Variants in CHRNG observed in about 807,000 individuals in gnomAD.
CHRNG encodes acetylcholine receptor subunit gamma.
Under a neutral mutation model 65.2 loss-of-function variants are expected in CHRNG, and 72 were observed. The observed-to-expected ratio is 1.10, with a 90% CI of 0.91 to 1.34. The LOEUF (loss-of-function observed/expected upper bound fraction) is 1.34, where lower values mean the gene tolerates loss of function less well. Among genes scored for constraint, CHRNG ranks in the 40% most tolerant of loss-of-function variants. CHRNG has a pLI of 0.00. For missense variants in CHRNG, 637 were observed against 680.1 expected, an observed-to-expected ratio of 0.94 and a Z score of 0.70; for synonymous variants, 284 against 290.2, an observed-to-expected ratio of 0.98 and a Z score of 0.22.
rs578137720 is a variant in CHRNG, at chr2:232,543,179, C to A, written c.806-96C>A. 4.6e-6 allele frequency: 7 copies of A among 1,526,176 alleles called. No homozygotes were observed. In the South Asian group the frequency reaches 5.6e-5, roughly 12 times the overall value. 94.5% of individuals were successfully genotyped at this position (1,526,176 alleles called of 1,614,324 possible). A position where few individuals can be genotyped will look rare whatever the true frequency, so the allele number is the denominator to read the frequency against. On this transcript the variant is annotated intron_variant, in intron 7 of 11. Coordinates refer to ENST00000651502, the MANE Select transcript of CHRNG (RefSeq NM_005199.5). ...CTGGGGAACAGAGTGGCATTACGAC[C>A]CAGGACAGAGGCAGCGGGCTACTTC...
chr2:232,544,670 C>T, intron 10 of CHRNG, 90 bp downstream of exon 10: 1 of 1,569,918 alleles, frequency 6.4e-7, no homozygotes, highest in Non-Finnish European at 8.8e-7. Flanking sequence ...GGAGAAGTGC[C>T]CAGGTCAGGG....
chr2:232,540,552 C>T lies in CHRNG; in HGVS notation c.241-50C>T. On this transcript the variant is annotated intron_variant, in intron 3 of 11. Coordinates refer to ENST00000651502, the MANE Select transcript of CHRNG (RefSeq NM_005199.5). The surrounding 1 kb of genome is among the most constrained non-coding windows in gnomAD (Gnocchi z 4.2). ...TTGGGCTGGATGCCCACTCCTAGGG[C>T]TGTGGTGCAGCAGAGGGCAGAGGCC... The T allele has an allele frequency of 6.2e-7, 1 of 1,601,700 alleles. No homozygotes were observed. Among genetic ancestry groups the T allele is most frequent in the Non-Finnish European group, 8.5e-7 (1 of 1,174,908 alleles).
chr2:232,542,002 C>CGG, intron 5 of CHRNG: 1 of 311,366 alleles, frequency 3.2e-6, no homozygotes, highest in South Asian at 3.5e-5. Flanking sequence ...GAGGAGGGCC[C>CGG]GGGGGAGGGT....
chr2:232,540,618 G>A lies in CHRNG; in HGVS notation c.257G>A (p.Arg86His), dbSNP rs550521607. ...CCCCTGCAGCAGTGGTGCGACTATC[G>A]CCTGCGCTGGGATCCGCGAGACTAC... ...VWIEMQWCDY[R>H]LRWDPRDYEG... The change falls in exon 4 of 12, where the codon CGC (arginine) becomes CAC (histidine). Residue 86 changes from arginine (R) to histidine (H), a missense_variant. By Grantham distance (29) the Arg-to-His change is conservative. Transcript: ENST00000651502. This position sits in a 1 kb window ranked among gnomAD's most constrained non-coding sequence, Gnocchi z 4.2. 35 of 1,612,246 alleles carry A rather than the reference G, an allele frequency of 2.2e-5. No homozygotes were observed. The highest frequency in any genetic ancestry group is 6.7e-5 in the Admixed American group (4 of 59,990).
chr2:232,544,592 C>A lies in CHRNG; in HGVS notation c.1249+12C>A. 6.2e-7 allele frequency: 1 copy of A among 1,608,828 alleles called. No homozygotes were observed. Among genetic ancestry groups the A allele is most frequent in the Non-Finnish European group, 8.5e-7 (1 of 1,176,198 alleles). ...GCTGGAGAAGCTAGGTGAGACACAC[C>A]AGGTGTGCCTGGGGACAGTCCTCCC... On this transcript the variant is annotated intron_variant, in intron 10 of 11. Coordinates refer to ENST00000651502, the MANE Select transcript of CHRNG (RefSeq NM_005199.5).
chr2:232,544,429 T>A lies in CHRNG; in HGVS notation c.1098T>A (p.Ala366=), dbSNP rs1692082514. ...RMHVRPLAPA[A]VQDTQSRLQN... is the part of the protein sequence containing the mutation. ...ACGTTCGCCCGCTGGCCCCGGCAGC[T>A]GTGCAGGACACCCAGTCCCGGCTAC... Residue 366 remains alanine, a synonymous_variant, in exon 10 of 12, where the codon GCT becomes GCA. Transcript: ENST00000651502. 1.2e-6 allele frequency: 2 copies of A among 1,613,514 alleles called. No individual in the cohort carries two copies. The highest frequency in any genetic ancestry group is 1.7e-6 in the Non-Finnish European group (2 of 1,179,992).
chr2:232,543,718 C>T lies in CHRNG; in HGVS notation c.1035+19C>T, dbSNP rs777583959. The T allele has an allele frequency of 4.2e-6, 6 of 1,435,688 alleles. No homozygotes were observed. Among genetic ancestry groups the T allele is most frequent in the Middle Eastern group, 1.7e-4 (1 of 5,736 alleles). The allele number at this position is 1,435,688 out of a possible 1,614,324, so 88.9% of individuals were successfully genotyped here. ...CCGCAAGGCAAGGACCCTCCCTGCC[C>T]ACTTCAACATCCCGCTGCCCACTCC... On this transcript the variant is annotated intron_variant, in intron 9 of 11. Coordinates refer to ENST00000651502, the MANE Select transcript of CHRNG (RefSeq NM_005199.5).
At chr2:232,539,888 G>A in intron 1 of CHRNG, 86 bp downstream of exon 1, 1 of 1,607,834 alleles carries the variant, frequency 6.2e-7, no homozygotes, top group South Asian at 1.1e-5. Context: ...GGGTATTGGG[G>A]CCTGCCCTGG....
chr2:232,539,828 G>A lies in CHRNG; in HGVS notation c.55+26G>A, dbSNP rs752678985. On this transcript the variant is annotated intron_variant, in intron 1 of 11. Coordinates refer to ENST00000651502, the MANE Select transcript of CHRNG (RefSeq NM_005199.5). ...GTGGGACACAAAGGAATCTCAGCCT[G>A]GGGAGTCCCAGAGCTGGGGTCCACA... is the stretch of plus-strand genomic sequence containing the variant. 11 of 1,613,070 alleles carry A rather than the reference G, an allele frequency of 6.8e-6. No individual in the cohort carries two copies. The Admixed American group carries it at 1.8e-4, about 27-fold the overall frequency.
chr2:232,541,366 G>A lies in CHRNG; in HGVS notation c.351-8G>A. 2.5e-6 allele frequency: 4 copies of A among 1,613,998 alleles called. No individual in the cohort carries two copies. The highest frequency in any genetic ancestry group is 3.3e-4 in the Middle Eastern group (2 of 6,060). ...AGCCTCGTGGCCTGGCCTGTTCTGT[G>A]CATACAGCGTGGACGGTGTCTTCGA... is the stretch of plus-strand genomic sequence containing the variant. On this transcript the variant is annotated splice_polypyrimidine_tract_variant and splice_region_variant and intron_variant, in intron 4 of 11. Transcript: ENST00000651502. This position sits in a 1 kb window ranked among gnomAD's most constrained non-coding sequence, Gnocchi z 4.0.
chr2:232,540,018 C>T lies in CHRNG; in HGVS notation c.82C>T (p.Arg28Cys), dbSNP rs140623763. 657 of 1,614,196 alleles carry T rather than the reference C, an allele frequency of 4.1e-4. 3 individuals are homozygous for T. Among genetic ancestry groups the T allele is most frequent in the African/African-American group, 6.3e-4 (47 of 75,064 alleles). ...GGCCCAGGGCCGGAACCAGGAGGAG[C>T]GCCTGCTCGCAGACCTGATGCAAAA... is the stretch of plus-strand genomic sequence containing the variant. ...LGAQGRNQEE[R>C]LLADLMQNYD... Residue 28 changes from arginine (R) to cysteine (C), a missense_variant, in exon 2 of 12, where the codon CGC becomes TGC. Physicochemically the swap from Arg to Cys is radical, Grantham distance 180. Coordinates refer to ENST00000651502, the MANE Select transcript of CHRNG (RefSeq NM_005199.5). The surrounding 1 kb of genome is among the most constrained non-coding windows in gnomAD (Gnocchi z 4.2).
In CHRNG at chr2:232,539,992, G is replaced by A; in HGVS notation, c.56G>A (p.Gly19Glu). The change falls in exon 2 of 12, where the codon GGG (glycine) becomes GAG (glutamate). Residue 19 changes from glycine to glutamate, a missense_variant and splice_region_variant. Coordinates refer to ENST00000651502, the MANE Select transcript of CHRNG (RefSeq NM_005199.5). ...CTAGGCTCACGCCTGTCTATTGCAG[G>A]GGCCCAGGGCCGGAACCAGGAGGAG... ...LLLLLLAVCL[G>E]AQGRNQEERL... is the part of the protein sequence containing the mutation. 1 of 1,614,158 alleles carries A rather than the reference G, an allele frequency of 6.2e-7. No individual in the cohort carries two copies. Among genetic ancestry groups the A allele is most frequent in the East Asian group, 2.2e-5 (1 of 44,880 alleles).
intron 8 of CHRNG, 64 bp from the exon 9 acceptor site, chr2:232,543,521 C>T: frequency 7.9e-7 from 1 of 1,271,978 alleles, no homozygotes; most frequent in Non-Finnish European, 1.1e-6. Flanking sequence ...GGGGGGGCAG[C>T]CACTAAGCGT....
chr2:232,542,655 G>A (rs1692041455), intron 6 of CHRNG, 135 bp downstream of exon 6: 2 of 750,062 alleles, frequency 2.7e-6, no homozygotes, highest in East Asian at 2.7e-5. Flanking sequence ...CATAAAATAT[G>A]CTTTTTAAAA....
chr2:232,542,306 G>A (rs953744789), intron 5 of CHRNG, 117 bp from the exon 6 acceptor site: 17 of 724,032 alleles, frequency 2.3e-5, no homozygotes, highest in African/African-American at 6.9e-5. Flanking sequence ...ACTCAGAAGC[G>A]TGGGGCTGCA....
intron 5 of CHRNG, among the ~76,000 whole-genome samples, chr2:232,542,127 C>G (rs1202144777): frequency 6.6e-6 from 1 of 152,142 alleles, no homozygotes; most frequent in East Asian, 1.9e-4. Context: ...TTGCCATCAT[C>G]AGCCCCTCCT....
At chr2:232,543,749 G>A (rs779291270) in intron 9 of CHRNG, 50 bp downstream of exon 9, 19 of 1,137,592 alleles carry the variant, frequency 1.7e-5, no homozygotes, top group Admixed American at 1.4e-4. Flanking sequence ...ACTCCCCTAC[G>A]CCTCCCTCTC....
rs1274555461 is a variant in CHRNG, at chr2:232,539,721, CCT to C, written c.-26_-25del. ...CAGACCTTGGAGCTGTTGTCCCACC[CCT>C]GTCACTGCAGAGAGCTGAGGCACCA... On this transcript the variant is annotated 5_prime_UTR_variant, in exon 1 of 12. Coordinates refer to ENST00000651502, the MANE Select transcript of CHRNG (RefSeq NM_005199.5). 2.5e-6 allele frequency: 4 copies of C among 1,612,264 alleles called. No homozygotes were observed. The highest frequency in any genetic ancestry group is 2.7e-5 in the African/African-American group (2 of 74,894).
chr2:232,540,642 A>T lies in CHRNG; in HGVS notation c.281A>T (p.Tyr94Phe). The change falls in exon 4 of 12, where the codon TAC (tyrosine) becomes TTC (phenylalanine). Residue 94 changes from tyrosine (Y) to phenylalanine (F), a missense_variant. Transcript: ENST00000651502. The surrounding 1 kb of genome is among the most constrained non-coding windows in gnomAD (Gnocchi z 4.2). ...DYRLRWDPRD[Y>F]EGLWVLRVPS... ...CGCCTGCGCTGGGATCCGCGAGACT[A>T]CGAAGGCCTGTGGGTGCTGAGGGTG... 1 of 1,613,136 alleles carries T rather than the reference A, an allele frequency of 6.2e-7. No individual in the cohort carries two copies. The highest frequency in any genetic ancestry group is 1.1e-5 in the South Asian group (1 of 91,074).
Sources: gnomAD v4.1 joint callset for allele counts (sites outside exome capture counted in the v4.1 genomes callset) on GRCh38, gnomAD v4.1.1 for gene constraint, Gnocchi (gnomAD v3.1) non-coding constraint, MANE v1.5 for transcripts, NCBI Gene and HGNC (gene_info 2026-07-23, HGNC 2026-07-21) for gene names.